The following RBFOX1 variants were observed in gnomAD, a reference collection of about 807,000 sequenced individuals.
RBFOX1 encodes RNA binding fox-1 homolog 1, also known as RNA binding protein fox-1 homolog 1.
Under a neutral mutation model 57.7 loss-of-function variants are expected in RBFOX1, and 8 were observed. The observed-to-expected ratio is 0.14, with a 90% CI of 0.08 to 0.25. RBFOX1 has a LOEUF of 0.25. Among genes scored for constraint, RBFOX1 ranks in the 10% least tolerant of loss-of-function variants. RBFOX1 has a pLI of 1.00. For synonymous variants in RBFOX1, 326 were observed against 222.4 expected, an observed-to-expected ratio of 1.47 and a Z score of -4.15; for missense variants, 611 against 548.5, an observed-to-expected ratio of 1.11 and a Z score of -1.14.
intron 1 of RBFOX1, among the ~76,000 whole-genome samples, chr16:6,151,948 C>G (rs1428383545): frequency 6.6e-6 from 1 of 152,182 alleles, no homozygotes; most frequent in African/African-American, 2.4e-5. Flanking sequence ...AAAGAAAAAG[C>G]TTTAATATAG....
chr16:6,892,266 C>T (rs924973957), intron 3 of RBFOX1, among the ~76,000 whole-genome samples: 5 of 152,162 alleles, frequency 3.3e-5, no homozygotes, highest in Admixed American at 6.5e-5. Flanking sequence ...CACTTTGTAA[C>T]GAATGTATTT....
chr16:5,239,799 G>A (rs1416315823), upstream of RBFOX1: 6 of 709,514 alleles, frequency 8.5e-6, no homozygotes, highest in African/African-American at 1.9e-5. Flanking sequence ...GACCCACCGA[G>A]CCCGCGCTCA....
intron 3 of RBFOX1, among the ~76,000 whole-genome samples, chr16:6,906,271 G>A (rs982749948): frequency 3.3e-5 from 5 of 151,866 alleles, no homozygotes; most frequent in Non-Finnish European, 7.4e-5. Context: ...GTCATGTGGA[G>A]CGGAAGGATT....
intron 4 of RBFOX1, among the ~76,000 whole-genome samples, chr16:7,451,720 G>T (rs2098862395): frequency 7.4e-6 from 1 of 135,198 alleles, no homozygotes; most frequent in Non-Finnish European, 1.5e-5. Context: ...GAGGCTTCCA[G>T]CACTTTTCTG....
At chr16:5,966,234 C>A (rs1256490251) in intron 4 of RBFOX1, among the ~76,000 whole-genome samples, 1 of 152,074 alleles carries the variant, frequency 6.6e-6, no homozygotes, top group African/African-American at 2.4e-5. Context: ...CTATATTCGG[C>A]CATTCTTGTG....
chr16:5,264,449 C>A (rs958333188), intron 1 of RBFOX1, among the ~76,000 whole-genome samples: 6 of 152,084 alleles, frequency 3.9e-5, no homozygotes, highest in African/African-American at 1.4e-4. Flanking sequence ...ATAAAATGTT[C>A]ATGGGTCAAG....
At chr16:6,681,692 T>A (rs2058678161) in intron 3 of RBFOX1, among the ~76,000 whole-genome samples, 1 of 151,836 alleles carries the variant, frequency 6.6e-6, no homozygotes, top group African/African-American at 2.4e-5. Flanking sequence ...AAAAAATCTT[T>A]CTCCAATGAG....
intron 1 of RBFOX1, among the ~76,000 whole-genome samples, chr16:5,268,703 C>T (rs1330172560): frequency 6.6e-6 from 1 of 152,216 alleles, no homozygotes; most frequent in Non-Finnish European, 1.5e-5. Context: ...TTGTTCTTGC[C>T]AAGTACCCAT....
At chr16:6,235,698 G>T (rs2097500892) in intron 1 of RBFOX1, among the ~76,000 whole-genome samples, 2 of 151,762 alleles carry the variant, frequency 1.3e-5, no homozygotes, top group South Asian at 4.2e-4. Flanking sequence ...TGAATTAATG[G>T]CATTCACAGT....
intron 3 of RBFOX1, among the ~76,000 whole-genome samples, chr16:6,933,458 A>G (rs2076884036): frequency 6.6e-6 from 1 of 152,266 alleles, no homozygotes. Flanking sequence ...CATGCCTGTA[A>G]TCCCGGCTCT....
intron 4 of RBFOX1, among the ~76,000 whole-genome samples, chr16:7,170,806 A>G (rs1189517461): frequency 6.6e-6 from 1 of 152,188 alleles, no homozygotes; most frequent in African/African-American, 2.4e-5. Context: ...TAAGGTGGTG[A>G]CAGAGCTTCC....
chr16:6,488,685 A>C (rs2095559386), intron 2 of RBFOX1, among the ~76,000 whole-genome samples: 1 of 152,196 alleles, frequency 6.6e-6, no homozygotes, highest in African/African-American at 2.4e-5. Flanking sequence ...ATGGGTACTT[A>C]AGAGATACAC....
At position 7,184,627 on chromosome 16, in the gene RBFOX1, G is replaced by C. The variant is rs367926073; in HGVS notation, c.27+132529G>C. ...TATGGCAAGTTGGAATTCTAGAGCA[G>C]TCACAGTATACCATGCTTGATCACA... is the stretch of plus-strand genomic sequence containing the variant. On this transcript the variant is annotated intron_variant, in intron 4 of 15. Transcript: ENST00000550418. Among the ~76,000 whole-genome samples the C allele has an allele frequency of 4.6e-5, 7 of 152,318 alleles. No homozygotes were observed. The East Asian group carries it at 1.4e-3, about 30-fold the overall frequency.
intron 3 of RBFOX1, among the ~76,000 whole-genome samples, chr16:5,628,159 C>T (rs1323644823): frequency 6.6e-6 from 1 of 152,142 alleles, no homozygotes; most frequent in Non-Finnish European, 1.5e-5. Context: ...TAGTGTCTGG[C>T]ATTGGGTAGA....
In RBFOX1 at chr16:5,537,348, G is replaced by A. The variant is rs144957461; in HGVS notation, c.259-61554G>A. ...CAGCAGCACATCACTTCTAGGAAGC[G>A]AAATAGGTATTAGTTTTCTATTGCT... is the stretch of plus-strand genomic sequence containing the variant. On this transcript the variant is annotated intron_variant, in intron 2 of 2. Coordinates refer to the RBFOX1 transcript ENST00000585867. Among the ~76,000 whole-genome samples the A allele has an allele frequency of 2.0e-4, 30 of 152,270 alleles. No homozygotes were observed. The East Asian group carries it at 4.2e-3, about 22-fold the overall frequency.
chr16:5,630,126 A>G (rs1332634695), intron 3 of RBFOX1, among the ~76,000 whole-genome samples: 1 of 152,178 alleles, frequency 6.6e-6, no homozygotes, highest in East Asian at 1.9e-4. Flanking sequence ...GCACAGAGGT[A>G]TGGTGCCTTC....
chr16:7,587,892 A>G (rs9923456), intron 7 of RBFOX1, among the ~76,000 whole-genome samples: 1,640 of 152,332 alleles, frequency 0.011, 27 homozygotes, highest in African/African-American at 0.037. Flanking sequence ...TTCTGTTTCA[A>G]AACAGAAATA....
At chr16:6,175,553 G>A (rs1255841660) in intron 1 of RBFOX1, among the ~76,000 whole-genome samples, 2 of 152,148 alleles carry the variant, frequency 1.3e-5, no homozygotes, top group South Asian at 2.1e-4. Context: ...TAATGGTTGC[G>A]CTTTTGTTGT....
At chr16:6,423,977 C>T (rs138333280) in intron 2 of RBFOX1, among the ~76,000 whole-genome samples, 5 of 152,126 alleles carry the variant, frequency 3.3e-5, no homozygotes, top group Non-Finnish European at 5.9e-5. Context: ...TGGTGGCTCA[C>T]GCCTGTAATC....
Sources: gnomAD v4.1 joint callset for allele counts (sites outside exome capture counted in the v4.1 genomes callset) on GRCh38, gnomAD v4.1.1 for gene constraint, MANE v1.5 for transcripts, NCBI Gene and HGNC (gene_info 2026-07-23, HGNC 2026-07-21) for gene names.